Variants in ILDR1 observed in about 807,000 individuals in gnomAD.
ILDR1 encodes immunoglobulin like domain containing receptor 1, also known as immunoglobulin-like domain-containing receptor 1.
Under a neutral mutation model 62.4 loss-of-function variants are expected in ILDR1, and 56 were observed. The ratio of observed to expected loss-of-function variants is 0.90; its 90% confidence interval spans 0.72 to 1.12. The LOEUF (loss-of-function observed/expected upper bound fraction) is 1.12, where lower values mean the gene tolerates loss of function less well. Ranked by LOEUF, ILDR1 falls within the 50% of genes most tolerant of loss-of-function variation. The pLI is 0.00. For missense variants in ILDR1, 736 were observed against 710.6 expected, an observed-to-expected ratio of 1.04 and a Z score of -0.41; for synonymous variants, 284 against 277.8, an observed-to-expected ratio of 1.02 and a Z score of -0.22.
chr3:122,057,700 G>C, the ILDR1 span, among the ~76,000 whole-genome samples: 1 of 152,098 alleles, frequency 6.6e-6, no homozygotes, highest in African/African-American at 2.4e-5. Flanking sequence ...TCCATAGTTA[G>C]GGCTTTAGCC....
At chr3:122,034,583 A>G in the ILDR1 span, among the ~76,000 whole-genome samples, 1 of 152,242 alleles carries the variant, frequency 6.6e-6, no homozygotes, top group African/African-American at 2.4e-5. Context: ...AATGCTAAGT[A>G]TGGGCTAGTG....
Position 122,005,297 on chromosome 3 carries a change from T to C in ILDR1, c.326A>G (p.Asn109Ser), listed in dbSNP as rs764616122. 2.2e-5 allele frequency: 35 copies of C among 1,578,722 alleles called. No individual in the cohort carries two copies. Among genetic ancestry groups the C allele is most frequent in the Non-Finnish European group, 2.9e-5 (34 of 1,158,294 alleles). ...VRIVAQRRGQ[N>S]EPVLGVDYRQ... is the part of the protein sequence containing the mutation. ...GTAATCTACCCCCAGCACGGGCTCA[T>C]TCTGCCCCCGCCGCTGGGCCACTAT... Residue 109 changes from asparagine to serine, a missense_variant, in exon 3 of 8, where the codon AAT becomes AGT. Physicochemically the swap from Asn to Ser is conservative, Grantham distance 46. Transcript: ENST00000344209.
intron 1 of ILDR1, among the ~76,000 whole-genome samples, chr3:122,009,324 A>AACACACACACAC (rs60284951): frequency 0.094 from 12,875 of 137,690 alleles, 787 homozygotes; most frequent in Admixed American, 0.19. Flanking sequence ...CTCAATTTAA[A>AACACACACACAC]ACACACACAC....
intron 7 of ILDR1, among the ~76,000 whole-genome samples, chr3:121,991,839 A>C (rs576107081): frequency 6.6e-6 from 1 of 152,110 alleles, no homozygotes; most frequent in South Asian, 2.1e-4. Context: ...TTTTTAAAAA[A>C]CTCACAGCAG....
the ILDR1 span, among the ~76,000 whole-genome samples, chr3:122,042,849 T>C: frequency 9.2e-5 from 14 of 152,288 alleles, no homozygotes; most frequent in African/African-American, 3.4e-4. Context: ...TGAAAATTTT[T>C]TCCCATTTTG....
the ILDR1 span, among the ~76,000 whole-genome samples, chr3:122,056,033 A>G: frequency 3.9e-5 from 6 of 152,206 alleles, no homozygotes; most frequent in East Asian, 1.9e-4. Context: ...TGATTAAATT[A>G]GTTACCATGT....
intron 1 of ILDR1, among the ~76,000 whole-genome samples, chr3:122,020,586 A>T (rs1329065253): frequency 6.6e-6 from 1 of 152,220 alleles, no homozygotes; most frequent in Non-Finnish European, 1.5e-5. Context: ...TGGTGGGAGC[A>T]GAACTCTATT....
the ILDR1 span, among the ~76,000 whole-genome samples, chr3:122,042,172 T>A: frequency 2.2e-5 from 2 of 89,814 alleles, no homozygotes; most frequent in South Asian, 4.6e-4. Context: ...CGGTGTTTGG[T>A]TTTTTGTTCT....
the ILDR1 span, chr3:122,055,327 G>T: frequency 4.7e-6 from 3 of 633,904 alleles, no homozygotes; most frequent in Non-Finnish European, 8.5e-6. Context: ...AAGAGGAACA[G>T]CTTCTCTTAA....
At chr3:122,047,500 G>C in the ILDR1 span, among the ~76,000 whole-genome samples, 109 of 152,332 alleles carry the variant, frequency 7.2e-4, 1 homozygote, top group East Asian at 7.3e-3. Flanking sequence ...AATGGCGGGC[G>C]CCCCTCCCCC....
At chr3:122,007,331 G>GGTGGT in intron 1 of ILDR1, 170 bp from the exon 2 acceptor site, 1 of 1,481,794 alleles carries the variant, frequency 6.7e-7, no homozygotes, top group Non-Finnish European at 9.1e-7. Context: ...GGTGGGGTGG[G>GGTGGT]GTGAGAACGC....
the ILDR1 span, among the ~76,000 whole-genome samples, chr3:122,052,018 G>C: frequency 6.6e-6 from 1 of 151,660 alleles, no homozygotes; most frequent in Non-Finnish European, 1.5e-5. Context: ...TTTGATCTTG[G>C]CAGCCCCTAG....
the ILDR1 span, among the ~76,000 whole-genome samples, chr3:122,040,272 G>A: frequency 1.2e-4 from 18 of 151,816 alleles, no homozygotes; most frequent in African/African-American, 4.8e-5. Context: ...AAAGTTACAT[G>A]TAAAACTGCA....
At chr3:122,045,093 A>G in the ILDR1 span, among the ~76,000 whole-genome samples, 2 of 152,056 alleles carry the variant, frequency 1.3e-5, no homozygotes, top group South Asian at 2.1e-4. Context: ...CTTTAAATGC[A>G]TCCCAGAGAT....
chr3:122,039,716 T>TGTATAATATGGG, the ILDR1 span, among the ~76,000 whole-genome samples: 1 of 152,022 alleles, frequency 6.6e-6, no homozygotes, highest in Non-Finnish European at 1.5e-5. Flanking sequence ...AATGAAGAGA[T>TGTATAATATGGG]TTGAAAACAG....
intron 2 of ILDR1, among the ~76,000 whole-genome samples, chr3:122,006,474 A>C (rs2071611530): frequency 6.6e-6 from 1 of 152,136 alleles, no homozygotes; most frequent in South Asian, 2.1e-4. Context: ...GACTTCCCAC[A>C]GTTAAAGGGC....
At chr3:122,055,079 T>G in the ILDR1 span, among the ~76,000 whole-genome samples, 11 of 152,160 alleles carry the variant, frequency 7.2e-5, no homozygotes, top group African/African-American at 2.7e-4. Context: ...GAATGCCTCT[T>G]TATTCTATTT....
intron 1 of ILDR1, among the ~76,000 whole-genome samples, chr3:122,018,949 T>A (rs964243215): frequency 3.9e-5 from 6 of 152,226 alleles, no homozygotes; most frequent in African/African-American, 2.4e-5. Flanking sequence ...TTCTAGATGC[T>A]GTCTCTCTAA....
chr3:122,008,795 G>C (rs1390011509), intron 1 of ILDR1, among the ~76,000 whole-genome samples: 1 of 151,666 alleles, frequency 6.6e-6, no homozygotes, highest in Non-Finnish European at 1.5e-5. Flanking sequence ...GTTTCACCAT[G>C]TTGGCCAGGC....
Sources: allele counts gnomAD v4.1 joint callset (sites outside exome capture counted in the v4.1 genomes callset), GRCh38; gene constraint gnomAD v4.1.1; transcripts MANE v1.5; gene names NCBI Gene and HGNC (gene_info 2026-07-23, HGNC 2026-07-21).